The following TAF2 variants were observed in gnomAD, a reference collection of about 807,000 sequenced individuals.
TAF2 encodes transcription initiation factor TFIID subunit 2.
A neutral mutation model predicts 138.5 loss-of-function variants in TAF2; 61 were observed. That is an observed-to-expected ratio of 0.44 (90% confidence interval 0.36 to 0.54). The LOEUF (loss-of-function observed/expected upper bound fraction) is 0.54, where lower values mean the gene tolerates loss of function less well. TAF2 is among the 20% of genes least tolerant of loss of function. The pLI is 0.00. For synonymous variants in TAF2, 475 were observed against 469.9 expected (o/e 1.01, Z -0.14); for missense variants, 1,090 against 1,427.9 (o/e 0.76, Z 3.81).
intron 2 of TAF2, among the ~76,000 whole-genome samples, chr8:119,826,007 A>G (rs1586553016): frequency 6.6e-6 from 1 of 151,946 alleles, no homozygotes; most frequent in Non-Finnish European, 1.5e-5. Flanking sequence ...GGTTTTAAAA[A>G]CAGGAGTTTT....
intron 22 of TAF2, among the ~76,000 whole-genome samples, chr8:119,747,197 C>T (rs1487941382): frequency 6.6e-6 from 1 of 152,132 alleles, no homozygotes; most frequent in African/African-American, 2.4e-5. Context: ...GTGTCTGATT[C>T]TCTTCATTAA....
chr8:119,769,519 G>A (rs1821676978), intron 18 of TAF2, among the ~76,000 whole-genome samples: 1 of 152,026 alleles, frequency 6.6e-6, no homozygotes, highest in Non-Finnish European at 1.5e-5. Flanking sequence ...GGATTGAAAG[G>A]AAGCCCAAAG....
intron 22 of TAF2, among the ~76,000 whole-genome samples, chr8:119,752,725 CA>C (rs1310334888): frequency 4.6e-5 from 7 of 152,166 alleles, no homozygotes; most frequent in Non-Finnish European, 8.8e-5. Context: ...TCTAATTCTT[CA>C]AAAGTACATG....
intron 2 of TAF2, among the ~76,000 whole-genome samples, chr8:119,827,835 C>T (rs550633087): frequency 6.6e-6 from 1 of 151,702 alleles, no homozygotes; most frequent in Non-Finnish European, 1.5e-5. Context: ...CCTCTGCCTC[C>T]CGTGTTCAAG....
At chr8:119,796,212 C>G (rs1214485977) in intron 8 of TAF2, among the ~76,000 whole-genome samples, 3 of 151,930 alleles carry the variant, frequency 2.0e-5, no homozygotes, top group Admixed American at 6.6e-5. Context: ...TACTACATTC[C>G]AAGCACTATT....
chr8:119,738,698 A>T (rs1819394603), intron 25 of TAF2, among the ~76,000 whole-genome samples: 1 of 152,200 alleles, frequency 6.6e-6, no homozygotes, highest in Non-Finnish European at 1.5e-5. Flanking sequence ...TGTAAAACAA[A>T]TAGAAAGAGG....
In TAF2 at chr8:119,832,518, C is replaced by T. The variant is rs1474323855; in HGVS notation, c.47G>A (p.Gly16Glu). 1 of 1,601,146 alleles carries T rather than the reference C, an allele frequency of 6.2e-7. No individual in the cohort carries two copies. Among genetic ancestry groups the T allele is most frequent in the Non-Finnish European group, 8.5e-7 (1 of 1,172,486 alleles). ...VEPARMNRKK[G>E]DKGFESPRPY... ...CCTTGGGCTTTCAAAGCCCTTGTCT[C>T]CTTTCTTCCTGTTCATTCTGGCGGG... Residue 16 changes from glycine (G) to glutamate (E), a missense_variant, in exon 1 of 26, where the codon GGA becomes GAA. By Grantham distance (98) the Gly-to-Glu change is moderately conservative. Around this residue, in one of 3 missense-constraint regions of TAF2, gnomAD observed 504 missense variants for 680.9 expected, o/e 0.74. Transcript: ENST00000378164.
intron 3 of TAF2, among the ~76,000 whole-genome samples, chr8:119,817,466 G>GC (rs1164990895): frequency 1.3e-5 from 2 of 152,110 alleles, no homozygotes; most frequent in African/African-American, 4.8e-5. Flanking sequence ...AACCCCCTCT[G>GC]CCCCCCTGGT....
At chr8:119,780,225 A>G (rs1264825996) in intron 17 of TAF2, among the ~76,000 whole-genome samples, 5 of 152,156 alleles carry the variant, frequency 3.3e-5, no homozygotes, top group Non-Finnish European at 7.3e-5. Flanking sequence ...TGTCATTCCC[A>G]TATCCTTTCC....
At chr8:119,828,119 C>A (rs1435668707) in intron 2 of TAF2, among the ~76,000 whole-genome samples, 1 of 152,138 alleles carries the variant, frequency 6.6e-6, no homozygotes, top group Admixed American at 6.5e-5. Flanking sequence ...CTCAGGTGAT[C>A]CATCCGCCTT....
chr8:119,821,830 A>T (rs1825821658), intron 2 of TAF2, among the ~76,000 whole-genome samples: 1 of 152,142 alleles, frequency 6.6e-6, no homozygotes, highest in Non-Finnish European at 1.5e-5. Context: ...TGAGTCCCGG[A>T]GTTCAGAACC....
At chr8:119,819,602 A>C in intron 2 of TAF2, 96 bp from the exon 3 acceptor site, 1 of 1,028,254 alleles carries the variant, frequency 9.7e-7, no homozygotes, top group Non-Finnish European at 1.5e-6. Flanking sequence ...ATTATACTAC[A>C]GAGACAAAAT....
chr8:119,748,650 C>T (rs117949991), intron 22 of TAF2, among the ~76,000 whole-genome samples: 4,648 of 152,236 alleles, frequency 0.031, 87 homozygotes, highest in South Asian at 0.044. Context: ...TATGTGGACA[C>T]TTCAATAGCT....
At chr8:119,823,005 T>C (rs992500402) in intron 2 of TAF2, among the ~76,000 whole-genome samples, 4 of 152,172 alleles carry the variant, frequency 2.6e-5, no homozygotes, top group Admixed American at 2.6e-4. Flanking sequence ...AAGAATGATA[T>C]ATCCAATGGT....
At position 119,796,983 on chromosome 8, in the gene TAF2, C is replaced by T. The variant is rs768219580; in HGVS notation, c.1091+7G>A. ...TTCTCAGTAGTATGAACTTTCAGGT[C>T]ACTCACCAAGACATTCTAGATATGA... is the stretch of plus-strand genomic sequence containing the variant. On this transcript the variant is annotated splice_region_variant and intron_variant, in intron 8 of 25. Transcript: ENST00000378164. 3 of 1,588,832 alleles carry T rather than the reference C, an allele frequency of 1.9e-6. No homozygotes were observed. Among genetic ancestry groups the T allele is most frequent in the Non-Finnish European group, 2.6e-6 (3 of 1,157,330 alleles).
intron 23 of TAF2, chr8:119,744,662 T>C (rs1294482579): frequency 2.1e-6 from 1 of 473,538 alleles, no homozygotes; most frequent in Non-Finnish European, 3.8e-6. Flanking sequence ...TGAGTTGTGG[T>C]GGAACGTGCA....
At chr8:119,814,140 A>C (rs1247458315) in intron 3 of TAF2, among the ~76,000 whole-genome samples, 2 of 152,024 alleles carry the variant, frequency 1.3e-5, no homozygotes, top group African/African-American at 4.8e-5. Flanking sequence ...ATAAAAATAA[A>C]AAAATTAAGA....
chr8:119,779,786 A>G (rs551311430), intron 17 of TAF2, among the ~76,000 whole-genome samples: 1 of 152,258 alleles, frequency 6.6e-6, no homozygotes, highest in Non-Finnish European at 1.5e-5. Flanking sequence ...CTTGTTTTTA[A>G]TCTACATTCC....
At chr8:119,752,950 A>G (rs1820452591) in intron 22 of TAF2, among the ~76,000 whole-genome samples, 1 of 152,166 alleles carries the variant, frequency 6.6e-6, no homozygotes, top group South Asian at 2.1e-4. Context: ...CAAAATGAGG[A>G]GCAGGCAGGG....
Sources: gnomAD v4.1 joint callset for allele counts (sites outside exome capture counted in the v4.1 genomes callset) on GRCh38, gnomAD v4.1.1 for gene constraint, gnomAD v4.1.1 regional missense constraint, MANE v1.5 for transcripts, NCBI Gene and HGNC (gene_info 2026-07-23, HGNC 2026-07-21) for gene names.